The following ABLIM2 variants were observed in gnomAD, a reference collection of about 807,000 sequenced individuals.
ABLIM2 encodes the protein actin-binding LIM protein 2.
A neutral mutation model predicts 97.7 loss-of-function variants in ABLIM2; 53 were observed. The observed-to-expected ratio is 0.54, with a 90% confidence interval of 0.44 to 0.68. The LOEUF (loss-of-function observed/expected upper bound fraction) is 0.68. ABLIM2 is among the 30% of genes least tolerant of loss of function. The probability of loss-of-function intolerance (pLI) is 0.00; values close to 1 mark genes in which losing one functional copy is unlikely to be tolerated. For synonymous variants in ABLIM2, 361 were observed against 345.8 expected (o/e 1.04, Z -0.49); for missense variants, 835 against 867.2 (o/e 0.96, Z 0.47).
In ABLIM2 at chr4:8,149,676, T is replaced by A. The variant is rs534542731; in HGVS notation, c.10+9004A>T. Among the ~76,000 whole-genome samples, 1 of 151,842 alleles carries A rather than the reference T, an allele frequency of 6.6e-6. No individual in the cohort carries two copies. The highest frequency in any genetic ancestry group is 2.4e-5 in the African/African-American group (1 of 41,392). On this transcript the variant is annotated intron_variant, in intron 1 of 20. Coordinates refer to ENST00000447017, the MANE Select transcript of ABLIM2 (RefSeq NM_001130083.2). The surrounding 1 kb of genome is among the most constrained non-coding windows in gnomAD (Gnocchi z 6.4). The stretch of plus-strand genomic sequence containing the variant: ...GGATCAGGGCAAAGACAGCACATAG[T>A]AGGTGCTTAATAAATAGTCGTGGAG...
chr4:8,076,743 G>T (rs1356655461), intron 6 of ABLIM2, among the ~76,000 whole-genome samples: 2 of 148,064 alleles, frequency 1.4e-5, no homozygotes, highest in East Asian at 2.0e-4. Context: ...GGTTGGGGGG[G>T]GTCTGTGAAT....
chr4:8,150,548 T>A lies in ABLIM2; in HGVS notation c.10+8132A>T, dbSNP rs1712307406. Reference sequence around the variant, plus strand: ...ATTTCCAGATCGTCTCTCTAACTCGTCTCTCTAAGCACAGAGAAACCAAAG... The same window carrying A: ...ATTTCCAGATCGTCTCTCTAACTCGACTCTCTAAGCACAGAGAAACCAAAG... On this transcript the variant is annotated intron_variant, in intron 1 of 20. Coordinates refer to ENST00000447017, the MANE Select transcript of ABLIM2 (RefSeq NM_001130083.2). This position sits in a 1 kb window ranked among gnomAD's most constrained non-coding sequence, Gnocchi z 6.3. 6.6e-6 allele frequency among the ~76,000 whole-genome samples: 1 copy of A among 152,182 alleles called. No individual in the cohort carries two copies. Among genetic ancestry groups the A allele is most frequent in the Non-Finnish European group, 1.5e-5 (1 of 68,036 alleles).
In ABLIM2 at chr4:8,019,803, C is replaced by T; in HGVS notation, c.1370-132G>A. The T allele has an allele frequency of 1.1e-6, 1 of 893,496 alleles. No homozygotes were observed. Among genetic ancestry groups the T allele is most frequent in the Non-Finnish European group, 1.7e-6 (1 of 578,048 alleles). The allele number at this position is 893,496 out of a possible 1,614,324, so 55.3% of individuals were successfully genotyped here. A position where few individuals can be genotyped will look rare whatever the true frequency, so the allele number is the denominator to read the frequency against. On this transcript the variant is annotated intron_variant, in intron 13 of 20. Coordinates refer to ENST00000447017, the MANE Select transcript of ABLIM2 (RefSeq NM_001130083.2). This position sits in a 1 kb window ranked among gnomAD's most constrained non-coding sequence, Gnocchi z 4.3. ...TAGAATCATCAGGCAGGAACTGGCACCCAGCGAGCGACAGACACCCAGGCC... is the reference window on the plus strand; with the variant it reads ...TAGAATCATCAGGCAGGAACTGGCATCCAGCGAGCGACAGACACCCAGGCC...
At chr4:8,047,428 C>A (rs1240869840) in intron 8 of ABLIM2, among the ~76,000 whole-genome samples, 1 of 151,966 alleles carries the variant, frequency 6.6e-6, no homozygotes, top group African/African-American at 2.4e-5. Flanking sequence ...GAGGCCTGCC[C>A]AGCTTCCTTG....
rs1347989533 is a variant in ABLIM2 at position 8,002,953 on chromosome 4, C to T, written c.1618+5106G>A. 6.6e-6 allele frequency among the ~76,000 whole-genome samples: 1 copy of T among 152,200 alleles called. No homozygotes were observed. The highest frequency in any genetic ancestry group is 1.5e-5 in the Non-Finnish European group (1 of 68,030). ...CACCCTTCCCCCAGCCCTCTCTAGC[C>T]CTCTTAGCACAGGGCACTGATATAA... is the stretch of plus-strand genomic sequence containing the variant. On this transcript the variant is annotated intron_variant, in intron 16 of 20. Transcript: ENST00000447017. The surrounding 1 kb of genome is among the most constrained non-coding windows in gnomAD (Gnocchi z 6.1).
rs996392258 is a variant in ABLIM2 at position 8,085,533 on chromosome 4, C to T, written c.454+2636G>A. ...ACTCACACGGCTCTGGGGGTGCCCA[C>T]GCTGCAGCCCCGTCCACTCACATGG... is the stretch of plus-strand genomic sequence containing the variant. On this transcript the variant is annotated intron_variant, in intron 4 of 20. Coordinates refer to ENST00000447017, the MANE Select transcript of ABLIM2 (RefSeq NM_001130083.2). The surrounding 1 kb of genome is among the most constrained non-coding windows in gnomAD (Gnocchi z 6.1). Among the ~76,000 whole-genome samples, 5 of 149,870 alleles carry T rather than the reference C, an allele frequency of 3.3e-5. No individual in the cohort carries two copies. Among genetic ancestry groups the T allele is most frequent in the African/African-American group, 9.9e-5 (4 of 40,552 alleles).
At chr4:8,024,252 T>A (rs1578958506) in intron 12 of ABLIM2, among the ~76,000 whole-genome samples, 2 of 152,114 alleles carry the variant, frequency 1.3e-5, no homozygotes, top group South Asian at 2.1e-4. Flanking sequence ...CCGACTCCCC[T>A]CCCAGCCTGC....
intron 13 of ABLIM2, among the ~76,000 whole-genome samples, 182 bp downstream of exon 13, chr4:8,020,020 T>C (rs947188576): frequency 6.7e-6 from 1 of 150,010 alleles, no homozygotes; most frequent in Non-Finnish European, 1.5e-5. Context: ...ACACATCGGT[T>C]TGGGGTTGTG....
chr4:8,063,184 G>A (rs1274088582), intron 6 of ABLIM2, among the ~76,000 whole-genome samples: 2 of 152,186 alleles, frequency 1.3e-5, no homozygotes, highest in Admixed American at 1.3e-4. Context: ...TCCTGCCTCA[G>A]CCTCCCGAGT....
intron 8 of ABLIM2, among the ~76,000 whole-genome samples, chr4:8,047,037 T>A (rs1792925922): frequency 6.6e-6 from 1 of 152,174 alleles, no homozygotes; most frequent in Non-Finnish European, 1.5e-5. Context: ...AGGCTGGGCA[T>A]CGTGCAGCGG....
intron 5 of ABLIM2, 134 bp from the exon 6 acceptor site, chr4:8,077,855 T>C: frequency 1.4e-6 from 1 of 702,686 alleles, no homozygotes. Flanking sequence ...GTAACAATGC[T>C]TCCAACAGGC....
chr4:8,092,875 G>A (rs920254011), intron 3 of ABLIM2, among the ~76,000 whole-genome samples: 10 of 151,984 alleles, frequency 6.6e-5, no homozygotes, highest in African/African-American at 2.2e-4. Flanking sequence ...TTGAGATGGA[G>A]GCTCCCTCTG....
intron 4 of ABLIM2, among the ~76,000 whole-genome samples, chr4:8,086,580 G>T (rs1823829047): frequency 6.6e-6 from 1 of 151,992 alleles, no homozygotes; most frequent in African/African-American, 2.4e-5. Context: ...CCTGGCCTCA[G>T]GTGATCCACC....
chr4:8,129,001 C>T (rs919645309), intron 1 of ABLIM2, among the ~76,000 whole-genome samples: 2 of 152,096 alleles, frequency 1.3e-5, no homozygotes, highest in Non-Finnish European at 2.9e-5. Flanking sequence ...TTGAGCTGCA[C>T]CGAGACCACA....
At chr4:8,081,372 T>G (rs1041495495) in intron 4 of ABLIM2, among the ~76,000 whole-genome samples, 4 of 152,188 alleles carry the variant, frequency 2.6e-5, no homozygotes, top group Non-Finnish European at 4.4e-5. Context: ...CAGCCGTGCC[T>G]GCCCTGCTCA....
At chr4:8,009,168 T>G (rs1763274085) in intron 14 of ABLIM2, 66 bp from the exon 15 acceptor site, 2 of 1,588,922 alleles carry the variant, frequency 1.3e-6, no homozygotes, top group Admixed American at 3.3e-5. Context: ...CCTCATGGTT[T>G]CCCATGTTAC....
intron 16 of ABLIM2, among the ~76,000 whole-genome samples, chr4:7,993,787 A>G (rs577180180): frequency 3.9e-5 from 6 of 152,308 alleles, no homozygotes; most frequent in South Asian, 4.1e-4. Context: ...TGAGACAATG[A>G]ACTCTGGATT....
chr4:8,104,765 C>T (rs1167654589), intron 2 of ABLIM2, among the ~76,000 whole-genome samples: 6 of 152,190 alleles, frequency 3.9e-5, no homozygotes, highest in South Asian at 4.1e-4. Flanking sequence ...CCAGGGCCAG[C>T]GGCACCAGGG....
intron 1 of ABLIM2, among the ~76,000 whole-genome samples, chr4:8,142,315 G>T (rs1045854801): frequency 6.6e-6 from 1 of 152,142 alleles, no homozygotes; most frequent in Non-Finnish European, 1.5e-5. Context: ...CTGCCCGAGG[G>T]CATGGACTCT....
Sources: gnomAD v4.1 joint callset for allele counts (sites outside exome capture counted in the v4.1 genomes callset) on GRCh38, gnomAD v4.1.1 for gene constraint, Gnocchi (gnomAD v3.1) non-coding constraint, MANE v1.5 for transcripts, NCBI Gene and HGNC (gene_info 2026-07-23, HGNC 2026-07-21) for gene names.